The following TUSC3 variants were observed in gnomAD, a reference collection of about 807,000 sequenced individuals.
The protein encoded by TUSC3 is tumor suppressor candidate 3.
In TUSC3, 45 loss-of-function variants were observed where a neutral mutation model predicts 44.8. That is an observed-to-expected ratio of 1.00 (90% CI 0.79 to 1.29). TUSC3 has a LOEUF of 1.29. Among genes scored for constraint, TUSC3 ranks in the 50% most tolerant of loss-of-function variants. The probability of loss-of-function intolerance (pLI) is 0.00; values close to 1 mark genes in which losing one functional copy is unlikely to be tolerated. For synonymous variants in TUSC3, 212 were observed against 152.9 expected, an observed-to-expected ratio of 1.39 and a Z score of -2.85; for missense variants, 519 against 437.9, an observed-to-expected ratio of 1.19 and a Z score of -1.65.
chr8:15,517,020 G>C (rs1250049320), intron 2 of TUSC3, among the ~76,000 whole-genome samples: 1 of 152,102 alleles, frequency 6.6e-6, no homozygotes, highest in Admixed American at 6.5e-5. Flanking sequence ...AGATCATCTA[G>C]TCCATGGTAC....
the TUSC3 span, among the ~76,000 whole-genome samples, chr8:15,790,957 A>G: frequency 6.6e-6 from 1 of 152,124 alleles, no homozygotes; most frequent in South Asian, 2.1e-4. Context: ...GGAGAGAGGC[A>G]TGGTTCAATT....
At chr8:15,534,862 T>C (rs888628940) in intron 2 of TUSC3, among the ~76,000 whole-genome samples, 3 of 152,264 alleles carry the variant, frequency 2.0e-5, no homozygotes, top group Non-Finnish European at 2.9e-5. Context: ...AGCTCAGTGT[T>C]TGGCTTACTT....
intron 10 of TUSC3, 121 bp downstream of exon 10, chr8:15,757,976 T>G (rs899108801): frequency 1.9e-5 from 28 of 1,493,056 alleles, no homozygotes; most frequent in Non-Finnish European, 2.4e-5. Context: ...AAGATAACTT[T>G]TAACTGTGAG....
chr8:15,551,994 C>G (rs148848325), intron 1 of TUSC3, among the ~76,000 whole-genome samples: 116 of 151,688 alleles, frequency 7.6e-4, no homozygotes, highest in African/African-American at 2.7e-3. Context: ...AAAATAGAAA[C>G]TTCTTGAGTA....
intron 2 of TUSC3, among the ~76,000 whole-genome samples, chr8:15,506,960 C>T (rs145144215): frequency 5.3e-4 from 81 of 152,270 alleles, no homozygotes; most frequent in African/African-American, 1.8e-3. Context: ...TTTGTCTGGT[C>T]ATATTTCTAG....
chr8:15,666,412 A>G (rs1807664065), intron 5 of TUSC3, among the ~76,000 whole-genome samples: 1 of 151,500 alleles, frequency 6.6e-6, no homozygotes, highest in Non-Finnish European at 1.5e-5. Context: ...ATACACCTTC[A>G]TGTTTCTTTT....
intron 10 of TUSC3, among the ~76,000 whole-genome samples, chr8:15,759,775 C>T (rs1321374629): frequency 6.6e-6 from 1 of 152,106 alleles, no homozygotes; most frequent in Non-Finnish European, 1.5e-5. Context: ...TTTCTCATGA[C>T]ATCCAGAACC....
chr8:15,588,266 A>G (rs948523230), intron 1 of TUSC3, among the ~76,000 whole-genome samples: 2 of 151,958 alleles, frequency 1.3e-5, no homozygotes, highest in African/African-American at 2.4e-5. Context: ...CTGGGATTAG[A>G]TGTTATCTCA....
rs1353003594 is a variant in TUSC3, at chr8:15,560,362, C to G, written c.138+19794C>G. Among the ~76,000 whole-genome samples, 155 of 137,452 alleles carry G rather than the reference C, an allele frequency of 1.1e-3. 8 individuals are homozygous for G. The highest frequency in any genetic ancestry group is 3.8e-3 in the African/African-American group (145 of 37,828). The allele number at this position is 137,452 out of a possible 152,430, so 90.2% of individuals were successfully genotyped here. ...TCTCTTCTGGCTTGTAGGGTTTCTG[C>G]TGAGAGATCCGCTGTTAGTCTGATG... On this transcript the variant is annotated intron_variant, in intron 1 of 10. Coordinates refer to ENST00000503731, the MANE Select transcript of TUSC3 (RefSeq NM_006765.4).
intron 4 of TUSC3, among the ~76,000 whole-genome samples, chr8:15,661,533 C>T (rs771433364): frequency 2.0e-5 from 3 of 151,956 alleles, no homozygotes; most frequent in African/African-American, 7.2e-5. Flanking sequence ...TTAATCACCT[C>T]TATAGGCACG....
chr8:15,823,111 C>T, the TUSC3 span, among the ~76,000 whole-genome samples: 1 of 152,080 alleles, frequency 6.6e-6, no homozygotes, highest in Non-Finnish European at 1.5e-5. Flanking sequence ...TTCAAATGAA[C>T]ATATTGACTT....
chr8:15,602,748 G>C (rs899692607), intron 1 of TUSC3, among the ~76,000 whole-genome samples: 1 of 150,696 alleles, frequency 6.6e-6, no homozygotes, highest in Non-Finnish European at 1.5e-5. Flanking sequence ...AATATGGGTT[G>C]TATGGAACCT....
chr8:15,459,336 T>C (rs1209606084), intron 1 of TUSC3, among the ~76,000 whole-genome samples: 1 of 152,214 alleles, frequency 6.6e-6, no homozygotes, highest in Non-Finnish European at 1.5e-5. Flanking sequence ...TGTTCATAAC[T>C]GTCAGTATTC....
intron 1 of TUSC3, among the ~76,000 whole-genome samples, chr8:15,596,139 T>C (rs1429523700): frequency 6.6e-6 from 1 of 152,226 alleles, no homozygotes; most frequent in Non-Finnish European, 1.5e-5. Flanking sequence ...TAAGTATTCT[T>C]TCCTATTTTA....
chr8:15,638,699 T>C (rs971199295), intron 2 of TUSC3, among the ~76,000 whole-genome samples: 9 of 152,004 alleles, frequency 5.9e-5, no homozygotes, highest in Non-Finnish European at 1.0e-4. Context: ...CTAATTTTTG[T>C]ATTTTTAATA....
intron 2 of TUSC3, among the ~76,000 whole-genome samples, chr8:15,532,243 C>G (rs905044437): frequency 6.6e-6 from 1 of 152,008 alleles, no homozygotes; most frequent in Non-Finnish European, 1.5e-5. Context: ...TAAAGAATAA[C>G]AGATCAAAAA....
At chr8:15,649,963 C>G (rs1438007280) in intron 2 of TUSC3, among the ~76,000 whole-genome samples, 3 of 152,160 alleles carry the variant, frequency 2.0e-5, no homozygotes, top group South Asian at 4.1e-4. Context: ...TCTATTACTG[C>G]ATTTACATCC....
chr8:15,811,215 T>G, the TUSC3 span, among the ~76,000 whole-genome samples: 1 of 152,176 alleles, frequency 6.6e-6, no homozygotes, highest in South Asian at 2.1e-4. Context: ...AGCTCCCAAA[T>G]CTCAGAGACA....
At chr8:15,608,360 A>G (rs1804620256) in intron 1 of TUSC3, among the ~76,000 whole-genome samples, 1 of 152,256 alleles carries the variant, frequency 6.6e-6, no homozygotes, top group African/African-American at 2.4e-5. Context: ...AAATTCCAAT[A>G]TAAAATAGTT....
Sources: allele counts gnomAD v4.1 joint callset (sites outside exome capture counted in the v4.1 genomes callset), GRCh38; gene constraint gnomAD v4.1.1; transcripts MANE v1.5; gene names NCBI Gene and HGNC (gene_info 2026-07-23, HGNC 2026-07-21).